The following GNA14 variants were observed in gnomAD, a reference collection of about 807,000 sequenced individuals.
The protein encoded by GNA14 is G protein subunit alpha 14.
Under a neutral mutation model 42.0 loss-of-function variants are expected in GNA14, and 50 were observed. The observed-to-expected ratio is 1.19, with a 90% CI of 0.95 to 1.51. GNA14 has a LOEUF of 1.51. GNA14 is among the 40% of genes most tolerant of loss of function. The pLI is 0.00. For synonymous variants in GNA14, 173 were observed against 163.1 expected (o/e 1.06, Z -0.46); for missense variants, 473 against 446.2 (o/e 1.06, Z -0.54).
At chr9:77,425,530 C>T (rs780770982) in intron 6 of GNA14, 32 bp downstream of exon 6, 56 of 1,553,106 alleles carry the variant, frequency 3.6e-5, no homozygotes, top group African/African-American at 1.2e-4. Context: ...GAGATCAGCA[C>T]AGAAAACACT....
At chr9:77,513,955 CT>C (rs35341734) in intron 2 of GNA14, among the ~76,000 whole-genome samples, 27,322 of 147,766 alleles carry the variant, frequency 0.18, 2,667 homozygotes, top group East Asian at 0.4. Flanking sequence ...CCCTTCAGCA[CT>C]TTTTTTTTTT....
chr9:77,516,788 G>A (rs1327508034), intron 2 of GNA14, among the ~76,000 whole-genome samples: 1 of 152,204 alleles, frequency 6.6e-6, no homozygotes, highest in African/African-American at 2.4e-5. Context: ...TGGGGGTTAG[G>A]AAGGACATCA....
chr9:77,628,946 C>A (rs1200493263), intron 1 of GNA14, among the ~76,000 whole-genome samples: 1 of 152,080 alleles, frequency 6.6e-6, no homozygotes, highest in African/African-American at 2.4e-5. Context: ...TCAGAGTGAA[C>A]AGGCAACCTA....
chr9:77,544,747 G>A (rs1837700335), intron 1 of GNA14, among the ~76,000 whole-genome samples: 1 of 149,582 alleles, frequency 6.7e-6, no homozygotes, highest in East Asian at 2.0e-4. Context: ...ACTCATAATT[G>A]TTTTACTTTC....
chr9:77,424,864 C>G (rs1835430951), intron 6 of GNA14, among the ~76,000 whole-genome samples: 1 of 152,080 alleles, frequency 6.6e-6, no homozygotes. Context: ...CTACACTACA[C>G]AGCCAGTATG....
intron 5 of GNA14, among the ~76,000 whole-genome samples, chr9:77,426,700 C>G (rs762993166): frequency 5.3e-5 from 8 of 152,320 alleles, no homozygotes; most frequent in Admixed American, 2.0e-4. Context: ...AAATGTTAGA[C>G]ATTGGCAAGA....
intron 2 of GNA14, among the ~76,000 whole-genome samples, chr9:77,486,217 G>A (rs1836657712): frequency 6.6e-6 from 1 of 152,266 alleles, no homozygotes; most frequent in East Asian, 1.9e-4. Context: ...GTTTCACCTT[G>A]CACTGTTATG....
chr9:77,445,554 A>AG (rs1225236399), intron 2 of GNA14, among the ~76,000 whole-genome samples: 2 of 140,526 alleles, frequency 1.4e-5, no homozygotes, highest in African/African-American at 5.7e-5. Context: ...TCTAAGAAGA[A>AG]AAAAAAAAAA....
chr9:77,624,629 T>C (rs1484031511), intron 1 of GNA14, among the ~76,000 whole-genome samples: 1 of 152,144 alleles, frequency 6.6e-6, no homozygotes, highest in Non-Finnish European at 1.5e-5. Flanking sequence ...CCAGGCAAAC[T>C]GGGTCTGGAG....
chr9:77,454,577 ATTT>A (rs35309093), intron 2 of GNA14, among the ~76,000 whole-genome samples: 6,083 of 128,594 alleles, frequency 0.047, 369 homozygotes, highest in African/African-American at 0.15. Context: ...GGCCATCAGG[ATTT>A]TTTTTTTTTT....
At chr9:77,514,438 T>A (rs12683173) in intron 2 of GNA14, among the ~76,000 whole-genome samples, 22,627 of 152,028 alleles carry the variant, frequency 0.15, 2,082 homozygotes, top group Admixed American at 0.24. Context: ...AAACCCGACA[T>A]GATTCCCCAT....
At chr9:77,477,737 T>G (rs184444884) in intron 2 of GNA14, among the ~76,000 whole-genome samples, 144 of 152,272 alleles carry the variant, frequency 9.5e-4, no homozygotes, top group Non-Finnish European at 1.2e-3. Flanking sequence ...AGAAGAAGAA[T>G]GTTATAAAAC....
At chr9:77,489,564 T>C (rs6560602) in intron 2 of GNA14, among the ~76,000 whole-genome samples, 82,062 of 152,016 alleles carry the variant, frequency 0.54, 22,531 homozygotes, top group East Asian at 0.82. Flanking sequence ...CGGACCCTCG[T>C]GGTGAGTGTT....
At chr9:77,452,691 G>T (rs1001949887) in intron 2 of GNA14, among the ~76,000 whole-genome samples, 1 of 5,580 alleles carries the variant, frequency 1.8e-4, no homozygotes, top group Non-Finnish European at 3.7e-4. Context: ...CTTAGGGCAG[G>T]GATCTGCTGT....
intron 1 of GNA14, among the ~76,000 whole-genome samples, chr9:77,599,632 C>A (rs1451098434): frequency 6.6e-6 from 1 of 152,166 alleles, no homozygotes; most frequent in African/African-American, 2.4e-5. Context: ...TAAGCATATG[C>A]CAGCCCCGGG....
At chr9:77,496,630 A>C (rs1836875289) in intron 2 of GNA14, among the ~76,000 whole-genome samples, 1 of 152,204 alleles carries the variant, frequency 6.6e-6, no homozygotes. Context: ...AAGAAGCACT[A>C]ATCTGTATGG....
At chr9:77,558,794 T>C (rs1315040946) in intron 1 of GNA14, among the ~76,000 whole-genome samples, 2 of 152,094 alleles carry the variant, frequency 1.3e-5, no homozygotes, top group Non-Finnish European at 2.9e-5. Flanking sequence ...CAGATAATAA[T>C]GATTTTCCAA....
chr9:77,488,804 A>C (rs913504736), intron 2 of GNA14, among the ~76,000 whole-genome samples: 4 of 151,042 alleles, frequency 2.6e-5, no homozygotes, highest in Admixed American at 6.6e-5. Context: ...AAAAAAAAAA[A>C]AAAAACAGAA....
chr9:77,541,227 G>A (rs1452186819), intron 1 of GNA14, among the ~76,000 whole-genome samples: 1 of 152,218 alleles, frequency 6.6e-6, no homozygotes, highest in East Asian at 1.9e-4. Flanking sequence ...AGCCGGTCTA[G>A]TGGTCATAAA....
Sources: allele counts gnomAD v4.1 joint callset (sites outside exome capture counted in the v4.1 genomes callset), GRCh38; gene constraint gnomAD v4.1.1; transcripts MANE v1.5; gene names NCBI Gene and HGNC (gene_info 2026-07-23, HGNC 2026-07-21).